Variants in SCFD2 observed in about 807,000 individuals in gnomAD.
The protein encoded by SCFD2 is sec1 family domain-containing protein 2.
In SCFD2, 54 loss-of-function variants were observed where a neutral mutation model predicts 58.9. The observed-to-expected ratio is 0.92, with a 90% CI of 0.74 to 1.15. SCFD2 has a LOEUF of 1.15. Among genes scored for constraint, SCFD2 ranks in the 50% most tolerant of loss-of-function variants. The probability of loss-of-function intolerance (pLI) is 0.00; values close to 1 mark genes in which losing one functional copy is unlikely to be tolerated. For synonymous variants in SCFD2, 321 were observed against 335.9 expected, an observed-to-expected ratio of 0.96 and a Z score of 0.49; for missense variants, 805 against 836.6, an observed-to-expected ratio of 0.96 and a Z score of 0.47.
At position 53,244,004 on chromosome 4, in the gene SCFD2, C is replaced by T. The variant is rs190832625; in HGVS notation, c.1311+29822G>A. Reference sequence around the variant, plus strand: ...ACAGAGAAGGACATAATAGAAAATACATTATAGAAAAGGGTTCAACTCAAC... The same window carrying T: ...ACAGAGAAGGACATAATAGAAAATATATTATAGAAAAGGGTTCAACTCAAC... On this transcript the variant is annotated intron_variant, in intron 4 of 8. Coordinates refer to ENST00000401642, the MANE Select transcript of SCFD2 (RefSeq NM_152540.4). Among the ~76,000 whole-genome samples the T allele has an allele frequency of 2.6e-5, 4 of 152,134 alleles. 1 individual carries two copies. Among genetic ancestry groups the T allele is most frequent in the Admixed American group, 2.0e-4 (3 of 15,292 alleles).
chr4:53,177,880 T>A (rs2148943713), intron 4 of SCFD2, among the ~76,000 whole-genome samples: 2 of 152,164 alleles, frequency 1.3e-5, no homozygotes, highest in African/African-American at 4.8e-5. Context: ...CAGAGGGTCC[T>A]ACGCCCACAG....
intron 4 of SCFD2, among the ~76,000 whole-genome samples, chr4:53,157,993 A>G (rs1726739922): frequency 6.6e-6 from 1 of 150,654 alleles, no homozygotes; most frequent in South Asian, 2.1e-4. Flanking sequence ...TGGGGCCTAA[A>G]GATTCTGCAC....
chr4:52,874,967 T>C (rs1409222836), intron 8 of SCFD2, among the ~76,000 whole-genome samples: 1 of 152,256 alleles, frequency 6.6e-6, no homozygotes, highest in Non-Finnish European at 1.5e-5. Context: ...TGTGCCAGGT[T>C]CTGAGGATTA....
intron 4 of SCFD2, among the ~76,000 whole-genome samples, chr4:53,250,593 C>T (rs1389027173): frequency 2.0e-5 from 3 of 152,238 alleles, no homozygotes; most frequent in Non-Finnish European, 4.4e-5. Flanking sequence ...AAGAAACTCA[C>T]TCAAAACTGC....
intron 2 of SCFD2, among the ~76,000 whole-genome samples, chr4:53,332,787 A>T (rs1202781380): frequency 1.3e-5 from 2 of 151,728 alleles, no homozygotes; most frequent in African/African-American, 4.8e-5. Context: ...GTATTCAATT[A>T]GGAAAAGAGG....
intron 5 of SCFD2, among the ~76,000 whole-genome samples, chr4:52,946,504 A>G (rs149131422): frequency 2.6e-5 from 4 of 152,292 alleles, no homozygotes; most frequent in African/African-American, 9.6e-5. Flanking sequence ...TTCTTAAGCA[A>G]AGAGAAAGGA....
At chr4:52,996,478 G>A (rs1721743947) in intron 5 of SCFD2, among the ~76,000 whole-genome samples, 1 of 152,214 alleles carries the variant, frequency 6.6e-6, no homozygotes, top group South Asian at 2.1e-4. Context: ...CCCAGTCACT[G>A]CGTCATGGCA....
chr4:53,091,922 A>G (rs148766634), intron 5 of SCFD2, among the ~76,000 whole-genome samples: 92 of 152,298 alleles, frequency 6.0e-4, no homozygotes, highest in African/African-American at 2.2e-3. Context: ...GAATATCAAA[A>G]CTCTTAAAAG....
intron 5 of SCFD2, among the ~76,000 whole-genome samples, chr4:53,106,127 CCTGA>C (rs1724994833): frequency 6.6e-6 from 1 of 152,130 alleles, no homozygotes. Context: ...AGCAGAGGGG[CCTGA>C]CTGTTTAGAA....
chr4:52,948,496 T>C (rs1720500103), intron 5 of SCFD2: 1 of 456,450 alleles, frequency 2.2e-6, no homozygotes, highest in Non-Finnish European at 4.4e-6. Context: ...CAGGTTATCT[T>C]GAAGATGCCA....
intron 4 of SCFD2, among the ~76,000 whole-genome samples, chr4:53,203,873 G>A (rs1315513399): frequency 6.6e-6 from 1 of 152,106 alleles, no homozygotes; most frequent in Non-Finnish European, 1.5e-5. Context: ...CTCAGCAGGA[G>A]GTTTCGTATC....
chr4:53,221,942 A>C (rs1729059034), intron 4 of SCFD2, among the ~76,000 whole-genome samples: 1 of 152,198 alleles, frequency 6.6e-6, no homozygotes, highest in African/African-American at 2.4e-5. Flanking sequence ...AACACATAGG[A>C]CTGATTCTGT....
At chr4:53,344,628 G>A (rs921205989) in intron 2 of SCFD2, among the ~76,000 whole-genome samples, 1 of 152,158 alleles carries the variant, frequency 6.6e-6, no homozygotes, top group African/African-American at 2.4e-5. Context: ...CCAAAAAAGA[G>A]CCCGCATTGC....
At chr4:53,283,257 C>A (rs770504395) in intron 3 of SCFD2, among the ~76,000 whole-genome samples, 1 of 152,152 alleles carries the variant, frequency 6.6e-6, no homozygotes, top group African/African-American at 2.4e-5. Context: ...CCTACATATG[C>A]ATTTTTTCTT....
At chr4:52,977,284 C>G (rs1721277666) in intron 5 of SCFD2, among the ~76,000 whole-genome samples, 1 of 152,112 alleles carries the variant, frequency 6.6e-6, no homozygotes, top group South Asian at 2.1e-4. Context: ...CTTGACTGCA[C>G]TTTATGGGAG....
chr4:53,230,084 A>C (rs1386697241), intron 4 of SCFD2, among the ~76,000 whole-genome samples: 2 of 152,216 alleles, frequency 1.3e-5, no homozygotes, highest in Non-Finnish European at 2.9e-5. Context: ...ACCATCTCAC[A>C]CCAGTTAGAA....
At chr4:53,340,848 A>T (rs1310897893) in intron 2 of SCFD2, among the ~76,000 whole-genome samples, 1 of 152,230 alleles carries the variant, frequency 6.6e-6, no homozygotes, top group Non-Finnish European at 1.5e-5. Flanking sequence ...CCAGGCAAAC[A>T]GGGTCTGGAG....
chr4:53,361,511 C>G (rs532435953), intron 1 of SCFD2, among the ~76,000 whole-genome samples: 22 of 152,314 alleles, frequency 1.4e-4, no homozygotes, highest in African/African-American at 5.1e-4. Context: ...ATCTGCACAC[C>G]TCAGCCTCAC....
At chr4:53,033,617 TA>T (rs1211333180) in intron 5 of SCFD2, among the ~76,000 whole-genome samples, 1 of 151,618 alleles carries the variant, frequency 6.6e-6, no homozygotes. Context: ...ATAGATGCAA[TA>T]AAAAAAGATA....
Sources: allele counts gnomAD v4.1 joint callset (sites outside exome capture counted in the v4.1 genomes callset), GRCh38; gene constraint gnomAD v4.1.1; transcripts MANE v1.5; gene names NCBI Gene and HGNC (gene_info 2026-07-23, HGNC 2026-07-21).